SLC8A1: variants seen among roughly 807,000 people sequenced by gnomAD.
SLC8A1 encodes the protein solute carrier family 8 member A1, also known as sodium/calcium exchanger 1.
In SLC8A1, 18 loss-of-function variants were observed where a neutral mutation model predicts 68.3. The observed-to-expected ratio is 0.26, with a 90% CI of 0.18 to 0.39. The LOEUF is 0.39. SLC8A1 is among the 10% of genes least tolerant of loss of function. SLC8A1 has a pLI of 1.00. For missense variants in SLC8A1, 985 were observed against 1,156.7 expected (o/e 0.85, Z 2.15); for synonymous variants, 475 against 415.5 (o/e 1.14, Z -1.74).
chr2:40,307,460 C>G (rs999737568), intron 2 of SLC8A1, among the ~76,000 whole-genome samples: 1 of 151,966 alleles, frequency 6.6e-6, no homozygotes, highest in Non-Finnish European at 1.5e-5. Context: ...AGATCTGTTC[C>G]GCAATGATGT....
At chr2:40,429,004 G>T (rs1397725345) in exon 2 of SLC8A1, 17 of 1,613,694 alleles carry the variant, frequency 1.1e-5, no homozygotes, top group Non-Finnish European at 1.4e-5. Flanking sequence ...AATGGTAAGG[G>T]CCACAGTACC....
intron 2 of SLC8A1, among the ~76,000 whole-genome samples, chr2:40,401,586 A>G (rs1278608298): frequency 3.3e-5 from 5 of 149,452 alleles, no homozygotes; most frequent in Middle Eastern, 3.4e-3. Flanking sequence ...AAAAAAAAAA[A>G]AAAAGAAAGA....
chr2:40,218,350 A>G (rs2057804319), intron 2 of SLC8A1, among the ~76,000 whole-genome samples: 1 of 152,216 alleles, frequency 6.6e-6, no homozygotes, highest in Non-Finnish European at 1.5e-5. Flanking sequence ...TTAGGCACAG[A>G]ATTTTTGAAT....
chr2:40,110,884 T>G (rs1190135659), exon 8 of SLC8A1: 1 of 152,094 alleles, frequency 6.6e-6, no homozygotes, highest in African/African-American at 2.4e-5. Context: ...CAGAGAAAAT[T>G]TTCTAATTGC....
At chr2:40,383,718 G>A (rs1682665805) in intron 2 of SLC8A1, among the ~76,000 whole-genome samples, 1 of 152,014 alleles carries the variant, frequency 6.6e-6, no homozygotes, top group African/African-American at 2.4e-5. Flanking sequence ...CCATTTGATG[G>A]ATTTTGTCAA....
intron 2 of SLC8A1, among the ~76,000 whole-genome samples, chr2:40,186,576 G>T (rs545745907): frequency 3.0e-4 from 45 of 152,198 alleles, no homozygotes; most frequent in African/African-American, 1.0e-3. Flanking sequence ...TTAGATTACT[G>T]GTGAGATATT....
intron 1 of SLC8A1, among the ~76,000 whole-genome samples, chr2:40,491,183 T>C (rs1461749092): frequency 6.6e-6 from 1 of 152,196 alleles, no homozygotes; most frequent in Non-Finnish European, 1.5e-5. Context: ...GTAGTTCTCC[T>C]TGAAAAGGTC....
chr2:40,487,155 T>C (rs1050207647), intron 1 of SLC8A1, among the ~76,000 whole-genome samples: 44 of 152,236 alleles, frequency 2.9e-4, no homozygotes, highest in African/African-American at 9.9e-4. Context: ...AATATGTATG[T>C]ATAGGAAATG....
At chr2:40,266,755 G>A (rs1050098006) in intron 2 of SLC8A1, among the ~76,000 whole-genome samples, 2 of 152,142 alleles carry the variant, frequency 1.3e-5, no homozygotes, top group Non-Finnish European at 2.9e-5. Context: ...TTAAACTGTA[G>A]GCTGATGACT....
At chr2:40,370,168 T>G (rs1339601213) in intron 2 of SLC8A1, among the ~76,000 whole-genome samples, 2 of 152,178 alleles carry the variant, frequency 1.3e-5, no homozygotes, top group Non-Finnish European at 2.9e-5. Context: ...AGGTCTCATT[T>G]CTGTACGCTT....
At chr2:40,329,431 C>T (rs1348182281) in intron 2 of SLC8A1, among the ~76,000 whole-genome samples, 3 of 152,104 alleles carry the variant, frequency 2.0e-5, no homozygotes, top group African/African-American at 4.8e-5. Context: ...TCTCTTTGGC[C>T]AAGGGCTGAA....
chr2:40,177,691 G>T, intron 3 of SLC8A1: 2 of 989,264 alleles, frequency 2.0e-6, no homozygotes, highest in Non-Finnish European at 3.1e-6. Context: ...TGTGAGAGTA[G>T]GGAGACACGG....
At chr2:40,121,242 T>C (rs1463037188) in intron 7 of SLC8A1, among the ~76,000 whole-genome samples, 1 of 152,164 alleles carries the variant, frequency 6.6e-6, no homozygotes, top group African/African-American at 2.4e-5. Flanking sequence ...ACAAGCGGCC[T>C]AGGTTGTTCT....
At chr2:40,129,111 C>A (rs62150873) in intron 7 of SLC8A1, among the ~76,000 whole-genome samples, 2 of 152,084 alleles carry the variant, frequency 1.3e-5, no homozygotes, top group African/African-American at 4.8e-5. Flanking sequence ...ATTGTATGTA[C>A]TACAAATGGA....
chr2:40,460,696 C>T (rs539160428), intron 1 of SLC8A1, among the ~76,000 whole-genome samples: 21 of 152,042 alleles, frequency 1.4e-4, no homozygotes, highest in African/African-American at 4.1e-4. Flanking sequence ...CCAGCCTCCC[C>T]GAGTAGCTGG....
At chr2:40,371,049 G>A (rs888618180) in intron 2 of SLC8A1, among the ~76,000 whole-genome samples, 1 of 152,004 alleles carries the variant, frequency 6.6e-6, no homozygotes, top group African/African-American at 2.4e-5. Flanking sequence ...CTTTCAGAAA[G>A]GTTTTGCTAC....
intron 2 of SLC8A1, among the ~76,000 whole-genome samples, chr2:40,392,212 AAAAAG>A (rs1001909571): frequency 3.9e-5 from 6 of 151,936 alleles, no homozygotes; most frequent in South Asian, 2.1e-4. Context: ...AAAGAAAAAG[AAAAAG>A]AAAAGAGAAA....
At chr2:40,111,672 A>C (rs142219985) in exon 8 of SLC8A1, 2 of 152,152 alleles carry the variant, frequency 1.3e-5, no homozygotes, top group African/African-American at 4.8e-5. Flanking sequence ...TACTGTTTTG[A>C]CTATATGATA....
chr2:40,498,063 A>C (rs11897806), intron 1 of SLC8A1, among the ~76,000 whole-genome samples: 3,209 of 152,102 alleles, frequency 0.021, 103 homozygotes, highest in African/African-American at 0.07. Context: ...CACTTAAGTA[A>C]AAAAGGGGAT....
Sources: gnomAD v4.1 joint callset for allele counts (sites outside exome capture counted in the v4.1 genomes callset) on GRCh38, gnomAD v4.1.1 for gene constraint, MANE v1.5 for transcripts, NCBI Gene and HGNC (gene_info 2026-07-23, HGNC 2026-07-21) for gene names.